Variants in GTPBP1 observed in about 807,000 individuals in gnomAD.
The protein encoded by GTPBP1 is GTP-binding protein 1.
In GTPBP1, 23 loss-of-function variants were observed where a neutral mutation model predicts 62.0. That is an observed-to-expected ratio of 0.37 (90% CI 0.27 to 0.53). The LOEUF is 0.53. GTPBP1 is among the 20% of genes least tolerant of loss of function. The pLI, the probability that GTPBP1 is intolerant of heterozygous loss-of-function variation, is 0.89. For missense variants in GTPBP1, 640 were observed against 917.3 expected, an observed-to-expected ratio of 0.70 and a Z score of 3.90; for synonymous variants, 344 against 364.4, an observed-to-expected ratio of 0.94 and a Z score of 0.64.
chr22:38,739,845 C>T (rs1049599036), downstream of GTPBP1: 4 of 1,613,632 alleles, frequency 2.5e-6, no homozygotes, highest in Middle Eastern at 4.9e-4. This position sits in a 1 kb window ranked among gnomAD's most constrained non-coding sequence, Gnocchi z 6.7. Context: ...CCAGCTCTCG[C>T]AGCTGAGCTT....
chr22:38,735,090 GA>G, downstream of GTPBP1: 1 of 332,520 alleles, frequency 3.0e-6, no homozygotes, highest in Non-Finnish European at 5.9e-6. Flanking sequence ...TTTTCAGTTA[GA>G]AAAACAGACC....
downstream of GTPBP1, chr22:38,742,177 G>A: frequency 1.6e-6 from 2 of 1,230,126 alleles, no homozygotes; most frequent in Non-Finnish European, 2.2e-6. Context: ...AAGAGAAAGG[G>A]AGTAACTGCA....
downstream of GTPBP1, chr22:38,738,149 T>C: frequency 6.2e-7 from 1 of 1,610,616 alleles, no homozygotes; most frequent in South Asian, 1.1e-5. This position sits in a 1 kb window ranked among gnomAD's most constrained non-coding sequence, Gnocchi z 6.6. Context: ...GCGCCACTTC[T>C]GCTAGCACAG....
rs187813811 is a variant in GTPBP1, at chr22:38,723,552, G to A, written c.959-745G>A. The stretch of plus-strand genomic sequence containing the variant: ...TTCCTTTGTCTTGTACTTAGGTCTT[G>A]GCCTGAATTTCCATCAGCCCAGAAT... On this transcript the variant is annotated intron_variant, in intron 5 of 11. Transcript: ENST00000216044. 7.0e-4 allele frequency: 419 copies of A among 601,854 alleles called. 4 individuals carry two copies. In the East Asian group the frequency reaches 0.012, roughly 17 times the overall value. 37.3% of individuals were successfully genotyped at this position (601,854 alleles called of 1,614,324 possible).
At position 38,716,860 on chromosome 22, in the gene GTPBP1, G is replaced by A. The variant is rs776623270; in HGVS notation, c.694G>A (p.Gly232Ser). 3.1e-6 allele frequency: 5 copies of A among 1,614,140 alleles called. No homozygotes were observed. Among genetic ancestry groups the A allele is most frequent in the Non-Finnish European group, 4.2e-6 (5 of 1,179,954 alleles). The change falls in exon 4 of 12, where the codon GGC becomes AGC. Residue 232 changes from glycine to serine, a missense_variant. Gly to Ser is a moderately conservative substitution (Grantham distance 56). Around this residue, in one of 4 missense-constraint regions of GTPBP1, gnomAD observed 88 missense variants for 217.0 expected, o/e 0.41. Coordinates refer to ENST00000216044, the MANE Select transcript of GTPBP1 (RefSeq NM_004286.5). This position sits in a 1 kb window ranked among gnomAD's most constrained non-coding sequence, Gnocchi z 5.2. ...TGTAGTGAACAAGCCTGACAGCCAC[G>A]GCGGCAGCCTGGAGTGGACCAAGAT... ...GNVVNKPDSHGGSLEWTKICE... is the reference protein window; with the variant it reads ...GNVVNKPDSHSGSLEWTKICE...
chr22:38,737,829 T>C (rs1266778582), downstream of GTPBP1: 6 of 496,668 alleles, frequency 1.2e-5, no homozygotes, highest in South Asian at 4.8e-5. This position sits in a 1 kb window ranked among gnomAD's most constrained non-coding sequence, Gnocchi z 4.1. Context: ...CAGCTGGCCA[T>C]GGTAGAATGC....
rs745793999 is a variant in GTPBP1, at chr22:38,705,978, C to T, written c.23C>T (p.Ser8Phe). ...AAGATGGCGACGGAGCGCAGTCGCT[C>T]CGCGATGGACTCGCCGGTCCCGGCC... MATERSR[S>F]AMDSPVPASM... is the part of the protein sequence containing the mutation. The change falls in exon 1 of 12, where the codon TCC (serine) becomes TTC (phenylalanine). Residue 8 changes from serine to phenylalanine, a missense_variant. Ser to Phe is a radical substitution (Grantham distance 155). This residue lies in a region of GTPBP1 where 215 missense variants were observed against 235.1 expected (regional missense o/e 0.91). Transcript: ENST00000216044. The T allele has an allele frequency of 1.0e-5, 15 of 1,448,760 alleles. No individual in the cohort carries two copies. The highest frequency in any genetic ancestry group is 1.5e-5 in the African/African-American group (1 of 68,012). 89.7% of individuals were successfully genotyped at this position (1,448,760 alleles called of 1,614,324 possible).
At chr22:38,738,178 A>G (rs773688592), downstream of GTPBP1, 1 of 1,613,876 alleles carries the variant, frequency 6.2e-7, no homozygotes, top group East Asian at 2.2e-5. This position sits in a 1 kb window ranked among gnomAD's most constrained non-coding sequence, Gnocchi z 6.6. Context: ...CGTACCTGAA[A>G]GTGAAACGTC....
Position 38,727,903 on chromosome 22 carries a change from A to G in GTPBP1, c.1538-80A>G. Reference sequence around the variant, plus strand: ...CCCTTCCACAGCTTAAGCGTATTTCATGCTTTCACTCACTGCCTCCCGTTG... The same window carrying G: ...CCCTTCCACAGCTTAAGCGTATTTCGTGCTTTCACTCACTGCCTCCCGTTG... On this transcript the variant is annotated intron_variant, in intron 9 of 11. Transcript: ENST00000216044. The surrounding 1 kb of genome is among the most constrained non-coding windows in gnomAD (Gnocchi z 6.5). 1.1e-6 allele frequency: 1 copy of G among 949,642 alleles called. No individual in the cohort carries two copies. Among genetic ancestry groups the G allele is most frequent in the South Asian group, 1.4e-5 (1 of 71,996 alleles). 58.8% of individuals were successfully genotyped at this position (949,642 alleles called of 1,614,324 possible).
intron 5 of GTPBP1, chr22:38,722,999 G>A: frequency 1.2e-6 from 1 of 828,030 alleles, no homozygotes; most frequent in Non-Finnish European, 2.2e-6. Flanking sequence ...GCACACCGTA[G>A]TCTCAGGAAG....
rs747099709 is a variant in GTPBP1, at chr22:38,719,628, GT to G, written c.835-2102del. 9.1e-3 allele frequency among the ~76,000 whole-genome samples: 1,307 copies of G among 143,278 alleles called. 12 individuals are homozygous for G. Among genetic ancestry groups the G allele is most frequent in the Non-Finnish European group, 0.012 (810 of 64,980 alleles). The allele number at this position is 143,278 out of a possible 152,430, so 94.0% of individuals were successfully genotyped here. A position where few individuals can be genotyped will look rare whatever the true frequency, so the allele number is the denominator to read the frequency against. On this transcript the variant is annotated intron_variant, in intron 4 of 11. Transcript: ENST00000216044. ...CAGCCAAGTATATATGTTTAGTTTG[GT>G]TTTTTTTTTTTGTGGCTGAATCACT...
downstream of GTPBP1, chr22:38,740,882 C>T: frequency 1.8e-6 from 2 of 1,096,170 alleles, no homozygotes; most frequent in African/African-American, 1.6e-5. The surrounding 1 kb of genome is among the most constrained non-coding windows in gnomAD (Gnocchi z 4.8). Context: ...TCAACCCCTC[C>T]CCCTACCATC....
At position 38,726,081 on chromosome 22, in the gene GTPBP1, C is replaced by T. The variant is rs1165018467; in HGVS notation, c.1149C>T (p.Leu383=). Residue 383 remains leucine, a synonymous_variant, in exon 7 of 12, where the codon CTC becomes CTT. Transcript: ENST00000216044. The surrounding 1 kb of genome is among the most constrained non-coding windows in gnomAD (Gnocchi z 4.1). The stretch of plus-strand genomic sequence containing the variant: ...TGCTGAAGATGTTCCTCAACCTCCT[C>T]TCCCCCCGCACCAGCTACAGGGAGG... ...LDLLKMFLNL[L]SPRTSYREEE... is the part of the protein sequence containing the mutation. 7 of 1,614,042 alleles carry T rather than the reference C, an allele frequency of 4.3e-6. No homozygotes were observed. Among genetic ancestry groups the T allele is most frequent in the Non-Finnish European group, 5.9e-6 (7 of 1,179,912 alleles).
chr22:38,738,328 C>A, downstream of GTPBP1: 1 of 1,415,386 alleles, frequency 7.1e-7, no homozygotes, highest in Non-Finnish European at 9.9e-7. This position sits in a 1 kb window ranked among gnomAD's most constrained non-coding sequence, Gnocchi z 6.6. Context: ...CTCCCCACTC[C>A]AATCCCTGCT....
downstream of GTPBP1, chr22:38,738,921 G>A (rs1010902420): frequency 1.4e-5 from 23 of 1,612,472 alleles, no homozygotes; most frequent in East Asian, 4.5e-5. The surrounding 1 kb of genome is among the most constrained non-coding windows in gnomAD (Gnocchi z 6.6). Flanking sequence ...GGGGGATGCC[G>A]AAGAGGCTGA....
chr22:38,717,256 T>G (rs2145856871), intron 4 of GTPBP1, among the ~76,000 whole-genome samples: 1 of 152,380 alleles, frequency 6.6e-6, no homozygotes, highest in Non-Finnish European at 1.5e-5. Context: ...AAGACCTGTC[T>G]TATTTTTTGC....
rs748217373 is a variant in GTPBP1, at chr22:38,727,497, A to G, written c.1537+149A>G. 5 of 734,160 alleles carry G rather than the reference A, an allele frequency of 6.8e-6. No homozygotes were observed. Among genetic ancestry groups the G allele is most frequent in the South Asian group, 2.2e-5 (1 of 46,460 alleles). 45.5% of individuals were successfully genotyped at this position (734,160 alleles called of 1,614,324 possible). On this transcript the variant is annotated intron_variant, in intron 9 of 11. Transcript: ENST00000216044. The surrounding 1 kb of genome is among the most constrained non-coding windows in gnomAD (Gnocchi z 6.5). ...TGATGCCGTTCCTTCTGTTCTACCCATGAGCCGCAGTGTTGATTCCTTCCC... is the reference window on the plus strand; with the variant it reads ...TGATGCCGTTCCTTCTGTTCTACCCGTGAGCCGCAGTGTTGATTCCTTCCC...
chr22:38,738,632 T>C (rs1270226919), downstream of GTPBP1: 1 of 1,613,772 alleles, frequency 6.2e-7, no homozygotes, highest in East Asian at 2.2e-5. The surrounding 1 kb of genome is among the most constrained non-coding windows in gnomAD (Gnocchi z 6.6). Flanking sequence ...TGCTGTTGGG[T>C]GACAAGGCCT....
At chr22:38,738,284 G>A, downstream of GTPBP1, 1 of 1,606,312 alleles carries the variant, frequency 6.2e-7, no homozygotes, top group South Asian at 1.1e-5. This position sits in a 1 kb window ranked among gnomAD's most constrained non-coding sequence, Gnocchi z 6.6. Context: ...AGAGCGGAGG[G>A]AAGTGGGGAG....
Sources: gnomAD v4.1 joint callset for allele counts (sites outside exome capture counted in the v4.1 genomes callset) on GRCh38, gnomAD v4.1.1 for gene constraint, gnomAD v4.1.1 regional missense constraint, Gnocchi (gnomAD v3.1) non-coding constraint, MANE v1.5 for transcripts, NCBI Gene and HGNC (gene_info 2026-07-23, HGNC 2026-07-21) for gene names.